The following PROM1 variants were observed in gnomAD, a reference collection of about 807,000 sequenced individuals.
PROM1 encodes the protein prominin-1.
A neutral mutation model predicts 116.9 loss-of-function variants in PROM1; 105 were observed. That is an observed-to-expected ratio of 0.90 (90% confidence interval 0.77 to 1.06). The LOEUF is 1.06. PROM1 is among the 50% of genes least tolerant of loss of function. The pLI is 0.00. For synonymous variants in PROM1, 393 were observed against 387.0 expected (o/e 1.02, Z -0.18); for missense variants, 1,122 against 1,045.2 (o/e 1.07, Z -1.01).
intron 5 of PROM1, among the ~76,000 whole-genome samples, chr4:16,031,318 A>G (rs761343887): frequency 6.6e-6 from 1 of 152,100 alleles, no homozygotes. Flanking sequence ...AAGTGTCTAG[A>G]CAAATGTGGC....
chr4:15,974,976 G>A (rs73801555), intron 26 of PROM1, among the ~76,000 whole-genome samples: 5,286 of 152,260 alleles, frequency 0.035, 239 homozygotes, highest in East Asian at 0.16. Context: ...AATATCCAGA[G>A]CCCAGTTGGT....
chr4:15,971,142 C>A, intron 26 of PROM1, 60 bp from the exon 27 acceptor site: 1 of 1,408,312 alleles, frequency 7.1e-7, no homozygotes, highest in Non-Finnish European at 9.7e-7. Flanking sequence ...GTGGTTTCAT[C>A]ACCTCTGTGC....
At chr4:16,055,955 GGTGA>G (rs1323109948) in intron 2 of PROM1, among the ~76,000 whole-genome samples, 1 of 152,132 alleles carries the variant, frequency 6.6e-6, no homozygotes, top group Non-Finnish European at 1.5e-5. Context: ...AACAGGGAGG[GGTGA>G]GTGAGTCTGC....
At chr4:16,030,213 G>C (rs1361766506) in intron 5 of PROM1, among the ~76,000 whole-genome samples, 2 of 151,934 alleles carry the variant, frequency 1.3e-5, no homozygotes, top group Non-Finnish European at 2.9e-5. Flanking sequence ...AAAAGTTCAA[G>C]GCAAAGAAGC....
chr4:16,020,187 G>A (rs1729497406), intron 8 of PROM1, among the ~76,000 whole-genome samples: 1 of 152,176 alleles, frequency 6.6e-6, no homozygotes, highest in Non-Finnish European at 1.5e-5. Flanking sequence ...CCAGAGACCT[G>A]GGGAGGCTTC....
At chr4:15,990,072 C>T (rs1398430691) in intron 18 of PROM1, among the ~76,000 whole-genome samples, 3 of 152,172 alleles carry the variant, frequency 2.0e-5, no homozygotes, top group Non-Finnish European at 4.4e-5. Flanking sequence ...ACTGTGTTCT[C>T]TCCACCTCAC....
chr4:16,017,774 A>G (rs1728771282), intron 9 of PROM1, among the ~76,000 whole-genome samples: 2 of 152,184 alleles, frequency 1.3e-5, no homozygotes, highest in Admixed American at 1.3e-4. Flanking sequence ...GTCAGCTGAG[A>G]TCGTGCCACT....
chr4:16,016,117 C>A, intron 10 of PROM1, 49 bp downstream of exon 10: 2 of 1,455,676 alleles, frequency 1.4e-6, no homozygotes, highest in South Asian at 1.2e-5. Flanking sequence ...ACTAGTCCAC[C>A]CTTTAAAATG....
intron 5 of PROM1, among the ~76,000 whole-genome samples, chr4:16,029,907 T>A (rs1732253480): frequency 6.6e-6 from 1 of 151,750 alleles, no homozygotes; most frequent in African/African-American, 2.4e-5. Flanking sequence ...CAAGAGAGAG[T>A]CCACTCTCCT....
At chr4:16,078,625 T>C in intron 1 of PROM1, among the ~76,000 whole-genome samples, 1 of 152,186 alleles carries the variant, frequency 6.6e-6, no homozygotes, top group East Asian at 1.9e-4. Flanking sequence ...GTGAGCTAGA[T>C]ACATACTTAC....
intron 18 of PROM1, among the ~76,000 whole-genome samples, chr4:15,990,590 C>G (rs886094644): frequency 6.6e-6 from 1 of 152,108 alleles, no homozygotes; most frequent in East Asian, 1.9e-4. Flanking sequence ...GGAAACAGAT[C>G]CAGAGCTAAA....
intron 15 of PROM1, among the ~76,000 whole-genome samples, chr4:15,997,828 C>T (rs745928123): frequency 3.3e-5 from 5 of 152,158 alleles, no homozygotes; most frequent in African/African-American, 7.2e-5. Context: ...AGGCACCATT[C>T]GAATCTCATG....
chr4:16,005,621 C>G (rs774281882), intron 13 of PROM1, among the ~76,000 whole-genome samples: 2 of 152,098 alleles, frequency 1.3e-5, no homozygotes, highest in Non-Finnish European at 2.9e-5. Flanking sequence ...CCAGCCCGCT[C>G]ACTCACAGCC....
chr4:16,050,814 G>A (rs541345358), intron 2 of PROM1, among the ~76,000 whole-genome samples: 2 of 152,146 alleles, frequency 1.3e-5, no homozygotes, highest in African/African-American at 2.4e-5. Context: ...TTCCATGAAC[G>A]TTTTGAAATC....
In PROM1 at chr4:16,004,832, TCTTCCTTC is replaced by T. The variant is rs561919636; in HGVS notation, c.1454+1698_1454+1705del. On this transcript the variant is annotated intron_variant, in intron 13 of 27. Coordinates refer to ENST00000447510, the MANE Select transcript of PROM1 (RefSeq NM_006017.3). ...CTTTCTTTCTTTCTTTCTTTCTTTT[TCTTCCTTC>T]CTTCCTTCCTTCCTTCCTTCCTCTC... 9.5e-4 allele frequency among the ~76,000 whole-genome samples: 117 copies of T among 122,606 alleles called. 1 individual carries two copies. The highest frequency in any genetic ancestry group is 3.9e-3 in the Middle Eastern group (1 of 258). 80.4% of individuals were successfully genotyped at this position (122,606 alleles called of 152,430 possible). A position where few individuals can be genotyped will look rare whatever the true frequency, so the allele number is the denominator to read the frequency against.
intron 23 of PROM1, among the ~76,000 whole-genome samples, chr4:15,981,014 T>A (rs996563893): frequency 6.6e-6 from 1 of 151,084 alleles, no homozygotes; most frequent in Non-Finnish European, 1.5e-5. Context: ...CAGGCTAGAG[T>A]GCAGTGGTGC....
intron 23 of PROM1, among the ~76,000 whole-genome samples, chr4:15,983,995 T>G (rs917986022): frequency 1.3e-5 from 2 of 152,238 alleles, no homozygotes; most frequent in Admixed American, 6.5e-5. Context: ...CACCCGTGAC[T>G]GTCTTTCTGA....
At chr4:16,074,207 T>C (rs1743453615) in intron 2 of PROM1, among the ~76,000 whole-genome samples, 1 of 152,076 alleles carries the variant, frequency 6.6e-6, no homozygotes, top group Non-Finnish European at 1.5e-5. Flanking sequence ...TTGAAATAAC[T>C]AAAAGAGTAA....
intron 2 of PROM1, among the ~76,000 whole-genome samples, chr4:16,039,715 C>CAAAA (rs34158088): frequency 1.5e-5 from 2 of 133,926 alleles, no homozygotes; most frequent in African/African-American, 5.5e-5. Flanking sequence ...TCCAGACTGT[C>CAAAA]AAAAAAAAAA....
Sources: allele counts gnomAD v4.1 joint callset (sites outside exome capture counted in the v4.1 genomes callset), GRCh38; gene constraint gnomAD v4.1.1; transcripts MANE v1.5; gene names NCBI Gene and HGNC (gene_info 2026-07-23, HGNC 2026-07-21).